The following MYO1B variants were observed in gnomAD, a reference collection of about 807,000 sequenced individuals.
The protein encoded by MYO1B is myosin IB, also known as unconventional myosin-Ib.
In MYO1B, 72 loss-of-function variants were observed where a neutral mutation model predicts 159.7. That is an observed-to-expected ratio of 0.45 (90% confidence interval 0.37 to 0.55). The LOEUF is 0.55. Among genes scored for constraint, MYO1B ranks in the 20% least tolerant of loss-of-function variants. The pLI is 0.00. For synonymous variants in MYO1B, 468 were observed against 473.8 expected (o/e 0.99, Z 0.16); for missense variants, 1,062 against 1,364.8 (o/e 0.78, Z 3.50).
At chr2:191,378,441 G>A (rs533795642) in intron 13 of MYO1B, among the ~76,000 whole-genome samples, 28 of 152,166 alleles carry the variant, frequency 1.8e-4, no homozygotes, top group Admixed American at 1.7e-3. Context: ...AATGTTTTGG[G>A]GGCAGGGGGC....
intron 24 of MYO1B, among the ~76,000 whole-genome samples, chr2:191,403,550 T>C (rs1696739385): frequency 6.6e-6 from 1 of 152,216 alleles, no homozygotes; most frequent in South Asian, 2.1e-4. Context: ...TTTAATCCTA[T>C]GACATTTAAT....
intron 7 of MYO1B, among the ~76,000 whole-genome samples, chr2:191,353,374 G>A (rs1253495506): frequency 2.0e-5 from 3 of 152,150 alleles, no homozygotes; most frequent in Admixed American, 2.0e-4. Flanking sequence ...GCATTTGGTG[G>A]CAGTTTAGAC....
chr2:191,347,036 A>G (rs754827600), intron 6 of MYO1B, among the ~76,000 whole-genome samples: 26 of 152,214 alleles, frequency 1.7e-4, no homozygotes, highest in Admixed American at 1.4e-3. Flanking sequence ...ATACATTTTT[A>G]TAATAAAAGA....
chr2:191,292,504 G>A (rs1688742521), intron 2 of MYO1B, among the ~76,000 whole-genome samples: 1 of 152,176 alleles, frequency 6.6e-6, no homozygotes, highest in Admixed American at 6.5e-5. Context: ...GGAATGTGTG[G>A]ATTGCTATAA....
At position 191,424,650 on chromosome 2, in the gene MYO1B, T is replaced by C. The variant is rs2126208093; in HGVS notation, c.*690T>C. ...ACATTTGAACAGGACTTTTAATTTGTTTAAAACTCTGGTAATTACTTGTAA... is the reference window on the plus strand; with the variant it reads ...ACATTTGAACAGGACTTTTAATTTGCTTAAAACTCTGGTAATTACTTGTAA... On this transcript the variant is annotated 3_prime_UTR_variant, in exon 31 of 31. Transcript: ENST00000392318. The C allele has an allele frequency of 6.6e-6, 1 of 152,310 alleles. No homozygotes were observed. The highest frequency in any genetic ancestry group is 1.5e-5 in the Non-Finnish European group (1 of 68,020). The allele number at this position is 152,310 out of a possible 1,614,324, so 9.4% of individuals were successfully genotyped here. A position where few individuals can be genotyped will look rare whatever the true frequency, so the allele number is the denominator to read the frequency against.
At chr2:191,333,228 C>T (rs1691606501) in intron 4 of MYO1B, among the ~76,000 whole-genome samples, 1 of 152,144 alleles carries the variant, frequency 6.6e-6, no homozygotes, top group South Asian at 2.1e-4. Flanking sequence ...TCTACATTTA[C>T]ACTGCTAGTG....
chr2:191,368,897 C>T (rs1367347180), intron 11 of MYO1B, among the ~76,000 whole-genome samples: 3 of 152,066 alleles, frequency 2.0e-5, no homozygotes. Flanking sequence ...TCCCTTGAAC[C>T]CAAGAGGCAG....
chr2:191,305,590 ATGAAT>A (rs1369276767), intron 3 of MYO1B, among the ~76,000 whole-genome samples: 2 of 152,248 alleles, frequency 1.3e-5, no homozygotes, highest in African/African-American at 4.8e-5. Context: ...GAATACAAAG[ATGAAT>A]TTTCCCTTAA....
intron 1 of MYO1B, among the ~76,000 whole-genome samples, chr2:191,257,579 C>T (rs1005765518): frequency 8.5e-5 from 13 of 152,132 alleles, no homozygotes; most frequent in African/African-American, 3.1e-4. Flanking sequence ...TCATGCTGCT[C>T]TTTTTATGTA....
intron 1 of MYO1B, among the ~76,000 whole-genome samples, chr2:191,252,775 A>G (rs1686200530): frequency 6.6e-6 from 1 of 152,174 alleles, no homozygotes; most frequent in African/African-American, 2.4e-5. Context: ...TAAATTTATT[A>G]CCTCTTACCT....
rs546562852 is a variant in MYO1B, at chr2:191,397,607, C to T, written c.2295+1110C>T. 1.1e-4 allele frequency among the ~76,000 whole-genome samples: 16 copies of T among 149,552 alleles called. 1 individual carries two copies. In the East Asian group the frequency reaches 1.9e-3, roughly 17 times the overall value. ...ATGTCTACTTCTATCCACACAGACC[C>T]GGCAACCATCCGATTTCTCAATTTT... On this transcript the variant is annotated intron_variant, in intron 21 of 30. Transcript: ENST00000392318.
rs1559220082 is a variant in MYO1B at position 191,383,481 on chromosome 2, C to CGT, written c.1353+139_1353+140insGT. On this transcript the variant is annotated intron_variant, in intron 15 of 30. Transcript: ENST00000392318. ...ATATATATATATATATATACACACA[C>CGT]ACATATATATGTGTATATATATATA... is the stretch of plus-strand genomic sequence containing the variant. The CGT allele has an allele frequency of 2.1e-3, 75 of 35,014 alleles. 1 individual carries two copies. The highest frequency in any genetic ancestry group is 4.7e-3 in the Admixed American group (12 of 2,572). The allele number at this position is 35,014 out of a possible 1,614,324, so 2.2% of individuals were successfully genotyped here. A position where few individuals can be genotyped will look rare whatever the true frequency, so the allele number is the denominator to read the frequency against.
At chr2:191,352,841 A>G (rs547957749) in intron 7 of MYO1B, among the ~76,000 whole-genome samples, 12 of 152,338 alleles carry the variant, frequency 7.9e-5, no homozygotes, top group African/African-American at 2.2e-4. Flanking sequence ...GGATAAACCA[A>G]CTGGTGTTCT....
rs113383435 is a variant in MYO1B at position 191,382,889 on chromosome 2, A to G, written c.1291-391A>G. Among the ~76,000 whole-genome samples, 299 of 152,334 alleles carry G rather than the reference A, an allele frequency of 2.0e-3. 1 individual carries two copies. The highest frequency in any genetic ancestry group is 0.014 in the Middle Eastern group (4 of 294). On this transcript the variant is annotated intron_variant, in intron 14 of 30. Transcript: ENST00000392318. ...TTACAGATTCAGAACAGAAGAATCT[A>G]GGCTTTAAATTCTTGGGATCAAGTT...
intron 4 of MYO1B, among the ~76,000 whole-genome samples, chr2:191,341,108 A>G (rs963276136): frequency 1.3e-5 from 2 of 152,160 alleles, no homozygotes; most frequent in Non-Finnish European, 1.5e-5. Flanking sequence ...TTTGGTAAAG[A>G]TACCCAGGTT....
intron 2 of MYO1B, among the ~76,000 whole-genome samples, chr2:191,287,782 G>A (rs1688466351): frequency 6.6e-6 from 1 of 151,836 alleles, no homozygotes; most frequent in South Asian, 2.1e-4. Flanking sequence ...ATCCCCCACT[G>A]ACTTTTCACT....
At chr2:191,381,829 T>C (rs1695055539) in intron 14 of MYO1B, among the ~76,000 whole-genome samples, 1 of 152,158 alleles carries the variant, frequency 6.6e-6, no homozygotes, top group South Asian at 2.1e-4. Flanking sequence ...TGGTGGTTGC[T>C]TGACATTATA....
chr2:191,400,296 G>A (rs1007670246), intron 21 of MYO1B, 86 bp from the exon 22 acceptor site: 40 of 1,410,216 alleles, frequency 2.8e-5, no homozygotes, highest in African/African-American at 4.2e-5. Context: ...GTGTTAGGAC[G>A]ATCATCTCTT....
At chr2:191,364,959 A>C (rs955744745) in intron 11 of MYO1B, among the ~76,000 whole-genome samples, 8 of 150,482 alleles carry the variant, frequency 5.3e-5, no homozygotes, top group African/African-American at 2.0e-4. Flanking sequence ...CAGTGGGAGA[A>C]GCCAAATTGG....
Sources: allele counts gnomAD v4.1 joint callset (sites outside exome capture counted in the v4.1 genomes callset), GRCh38; gene constraint gnomAD v4.1.1; transcripts MANE v1.5; gene names NCBI Gene and HGNC (gene_info 2026-07-23, HGNC 2026-07-21).